Variants in GABPB2 observed in about 807,000 individuals in gnomAD.
GABPB2 encodes the protein GA-binding protein subunit beta-2.
GABPB2 carries 23 observed loss-of-function variants against 39.1 expected under a neutral mutation model. The ratio of observed to expected loss-of-function variants is 0.59; its 90% CI spans 0.42 to 0.83. GABPB2 has a LOEUF of 0.83. GABPB2 is among the 40% of genes least tolerant of loss of function. The pLI is 0.00. For synonymous variants in GABPB2, 184 were observed against 199.3 expected (o/e 0.92, Z 0.65); for missense variants, 467 against 541.1 (o/e 0.86, Z 1.36).
Position 151,118,511 on chromosome 1 carries a change from AG to A in GABPB2, c.*256del. 2.6e-6 allele frequency: 1 copy of A among 381,254 alleles called. No homozygotes were observed. Among genetic ancestry groups the A allele is most frequent in the Non-Finnish European group, 4.7e-6 (1 of 212,594 alleles). The allele number at this position is 381,254 out of a possible 1,614,324, so 23.6% of individuals were successfully genotyped here. A position where few individuals can be genotyped will look rare whatever the true frequency, so the allele number is the denominator to read the frequency against. On this transcript the variant is annotated 3_prime_UTR_variant, in exon 9 of 9. Coordinates refer to ENST00000368918, the MANE Select transcript of GABPB2 (RefSeq NM_144618.3). ...CTCATATCATTGCTTTAAACATAGA[AG>A]TAAAAGAATACTGCATGTTGTGGGT...
intron 3 of GABPB2, 97 bp from the exon 4 acceptor site, chr1:151,093,095 C>T (rs1302904573): frequency 1.2e-5 from 11 of 921,206 alleles, no homozygotes; most frequent in East Asian, 1.1e-4. Flanking sequence ...GATTTGAGTA[C>T]GTAATCTCTA....
At chr1:151,096,034 C>A (rs77974206) in intron 4 of GABPB2, among the ~76,000 whole-genome samples, 47 of 107,484 alleles carry the variant, frequency 4.4e-4, no homozygotes, top group African/African-American at 7.1e-4. Flanking sequence ...GTGAGACTCT[C>A]AAAAAAAAAA....
chr1:151,081,875 G>A (rs1421070260), intron 1 of GABPB2, among the ~76,000 whole-genome samples: 2 of 151,920 alleles, frequency 1.3e-5, no homozygotes, highest in African/African-American at 4.8e-5. Flanking sequence ...GACCTTAGGT[G>A]ATCTGCCCGC....
rs1178770972 is a variant in GABPB2, at chr1:151,088,229, G to GCTTT, written c.41_42insTTTC (p.Arg15PhefsTer7). 1 of 1,614,060 alleles carries GCTTT rather than the reference G, an allele frequency of 6.2e-7. No homozygotes were observed. Among genetic ancestry groups the GCTTT allele is most frequent in the Admixed American group, 1.7e-5 (1 of 59,984 alleles). Reference sequence around the variant, plus strand: ...CTTGGGAAAGAGGTTGCTAGAAGCAGCAAGAAAAGGCCAAGATGATGAAGT... The same window carrying GCTTT: ...CTTGGGAAAGAGGTTGCTAGAAGCAGCTTTCAAGAAAAGGCCAAGATGATGAAGT... On this transcript the variant is annotated frameshift_variant, in exon 2 of 9. Coordinates refer to ENST00000368918, the MANE Select transcript of GABPB2 (RefSeq NM_144618.3). LOFTEE classifies it high-confidence loss of function.
intron 6 of GABPB2, among the ~76,000 whole-genome samples, chr1:151,106,498 T>G (rs1679976827): frequency 6.6e-6 from 1 of 151,538 alleles, no homozygotes; most frequent in Non-Finnish European, 1.5e-5. Flanking sequence ...CCACCATGCC[T>G]GACTAATTTT....
intron 3 of GABPB2, among the ~76,000 whole-genome samples, chr1:151,091,141 G>A (rs1678655494): frequency 6.6e-6 from 1 of 151,782 alleles, no homozygotes; most frequent in African/African-American, 2.4e-5. Flanking sequence ...AGGCTGAAGT[G>A]CAGTGGCACG....
chr1:151,079,339 A>G (rs1417720688), intron 1 of GABPB2, among the ~76,000 whole-genome samples: 2 of 151,326 alleles, frequency 1.3e-5, no homozygotes, highest in African/African-American at 4.9e-5. Flanking sequence ...TCAGGGGTTC[A>G]AGACCAGCCT....
intron 5 of GABPB2, among the ~76,000 whole-genome samples, chr1:151,101,096 A>G (rs1279987329): frequency 2.0e-5 from 3 of 151,366 alleles, no homozygotes; most frequent in Admixed American, 2.0e-4. Context: ...AATACAAAAA[A>G]AAAAAAATTA....
rs1051621843 is a variant in GABPB2 at position 151,119,185 on chromosome 1, A to G, written c.*929A>G. On this transcript the variant is annotated 3_prime_UTR_variant, in exon 9 of 9. Coordinates refer to ENST00000368918, the MANE Select transcript of GABPB2 (RefSeq NM_144618.3). ...TAGCCAAGTATGGTGACAGGCACCT[A>G]TGGTTCCAGCTACTCAGGAGGCTGA... is the stretch of plus-strand genomic sequence containing the variant. 3 of 152,090 alleles carry G rather than the reference A, an allele frequency of 2.0e-5. No individual in the cohort carries two copies. Among genetic ancestry groups the G allele is most frequent in the Admixed American group, 6.6e-5 (1 of 15,238 alleles). 9.4% of individuals were successfully genotyped at this position (152,090 alleles called of 1,614,324 possible). A position where few individuals can be genotyped will look rare whatever the true frequency, so the allele number is the denominator to read the frequency against.
rs779504101 is a variant in GABPB2, at chr1:151,088,169, CTT to C, written c.1-18_1-17del. The C allele has an allele frequency of 1.3e-6, 2 of 1,582,656 alleles. No homozygotes were observed. The highest frequency in any genetic ancestry group is 1.3e-5 in the African/African-American group (1 of 74,228). ...TGTTCGAGTTATAGCTACCTGAAAA[CTT>C]TTGTTCCTATGCATAAAGATGTCTT... is the stretch of plus-strand genomic sequence containing the variant. On this transcript the variant is annotated intron_variant, in intron 1 of 8. Transcript: ENST00000368918.
chr1:151,074,051 G>T (rs1031200016), intron 1 of GABPB2, among the ~76,000 whole-genome samples: 1 of 132,956 alleles, frequency 7.5e-6, no homozygotes. Flanking sequence ...ATCTCGGCTC[G>T]CTGCAAGCTC....
intron 7 of GABPB2, among the ~76,000 whole-genome samples, chr1:151,113,820 T>C (rs1426508448): frequency 6.6e-6 from 1 of 152,174 alleles, no homozygotes; most frequent in African/African-American, 2.4e-5. Flanking sequence ...GCCCATCCTC[T>C]ACTTTGTCAT....
At chr1:151,082,851 C>G (rs746450852) in intron 1 of GABPB2, among the ~76,000 whole-genome samples, 5 of 151,764 alleles carry the variant, frequency 3.3e-5, no homozygotes, top group Non-Finnish European at 7.4e-5. Context: ...TTGTGTGCAC[C>G]TGTAGTCCTA....
chr1:151,097,112 A>G (rs1679150057), intron 4 of GABPB2, among the ~76,000 whole-genome samples: 1 of 151,980 alleles, frequency 6.6e-6, no homozygotes, highest in African/African-American at 2.4e-5. Context: ...GGGTTTCACC[A>G]TGTTGGCCAA....
chr1:151,078,413 G>A (rs1454463477), intron 1 of GABPB2, among the ~76,000 whole-genome samples: 2 of 152,002 alleles, frequency 1.3e-5, no homozygotes, highest in African/African-American at 4.8e-5. Context: ...CTAACACGGT[G>A]AAACCGTGCT....
chr1:151,098,811 C>T (rs939237270), intron 5 of GABPB2, among the ~76,000 whole-genome samples: 3 of 152,002 alleles, frequency 2.0e-5, no homozygotes, highest in East Asian at 3.9e-4. Flanking sequence ...TGACTTGGCG[C>T]GGTGCCTCAC....
chr1:151,111,607 G>A (rs1262024231), intron 7 of GABPB2, among the ~76,000 whole-genome samples: 2 of 151,534 alleles, frequency 1.3e-5, no homozygotes. Flanking sequence ...TGTATTTTTA[G>A]TAGAGATGGG....
chr1:151,104,536 T>C (rs1265979989), intron 6 of GABPB2, among the ~76,000 whole-genome samples: 1 of 152,226 alleles, frequency 6.6e-6, no homozygotes, highest in African/African-American at 2.4e-5. Flanking sequence ...GCTATTCTTT[T>C]GCTTTGCTCT....
At chr1:151,083,788 T>C (rs1677922355) in intron 1 of GABPB2, among the ~76,000 whole-genome samples, 1 of 151,142 alleles carries the variant, frequency 6.6e-6, no homozygotes, top group Non-Finnish European at 1.5e-5. Context: ...GTCACCCAGA[T>C]TGAAGTGCCT....
Sources: gnomAD v4.1 joint callset for allele counts (sites outside exome capture counted in the v4.1 genomes callset) on GRCh38, gnomAD v4.1.1 for gene constraint, MANE v1.5 for transcripts, NCBI Gene and HGNC (gene_info 2026-07-23, HGNC 2026-07-21) for gene names.